Variants in DNAH14 observed in about 807,000 individuals in gnomAD.
The protein encoded by DNAH14 is axonemal beta dynein heavy chain 14.
DNAH14 carries 478 observed loss-of-function variants against 520.9 expected under a neutral mutation model. The ratio of observed to expected loss-of-function variants is 0.92; its 90% CI spans 0.85 to 0.99. DNAH14 has a LOEUF of 0.99. Ranked by LOEUF, DNAH14 falls within the 50% of genes least tolerant of loss-of-function variation. The probability of loss-of-function intolerance (pLI) is 0.00; values close to 1 mark genes in which losing one functional copy is unlikely to be tolerated. For synonymous variants in DNAH14, 1,581 were observed against 1,757.2 expected, an observed-to-expected ratio of 0.90 and a Z score of 2.51; for missense variants, 4,831 against 5,234.5, an observed-to-expected ratio of 0.92 and a Z score of 2.38.
At chr1:225,197,255 A>T (rs1403385085) in intron 38 of DNAH14, among the ~76,000 whole-genome samples, 1 of 152,090 alleles carries the variant, frequency 6.6e-6, no homozygotes, top group Non-Finnish European at 1.5e-5. Flanking sequence ...ATTCTCCTAT[A>T]TGTGGCTTGC....
intron 34 of DNAH14, among the ~76,000 whole-genome samples, chr1:225,155,716 A>G (rs36053633): frequency 0.13 from 19,404 of 152,080 alleles, 1,392 homozygotes; most frequent in East Asian, 0.31. Flanking sequence ...TTCCATTTCC[A>G]GTATACAGGA....
intron 8 of DNAH14, among the ~76,000 whole-genome samples, chr1:224,989,455 T>C (rs1472907173): frequency 6.8e-6 from 1 of 147,048 alleles, no homozygotes; most frequent in Non-Finnish European, 1.5e-5. Flanking sequence ...TTAATAGTTC[T>C]AGGAGTTTTT....
At chr1:225,114,514 T>TGTCCCCCCA (rs2076718183) in intron 23 of DNAH14, among the ~76,000 whole-genome samples, 1 of 152,184 alleles carries the variant, frequency 6.6e-6, no homozygotes, top group Non-Finnish European at 1.5e-5. Flanking sequence ...ATAGATCATG[T>TGTCCCCCCA]GTCCCCCCAG....
At chr1:225,027,741 C>T (rs932818259) in intron 11 of DNAH14, among the ~76,000 whole-genome samples, 1 of 152,016 alleles carries the variant, frequency 6.6e-6, no homozygotes, top group Non-Finnish European at 1.5e-5. Flanking sequence ...TCCACCAGAC[C>T]CCTCCTTCAA....
At chr1:225,042,644 A>AAT (rs2067586959) in intron 12 of DNAH14, among the ~76,000 whole-genome samples, 191 bp from the exon 13 acceptor site, 2 of 152,204 alleles carry the variant, frequency 1.3e-5, no homozygotes, top group Non-Finnish European at 2.9e-5. Flanking sequence ...GAACTCCTTC[A>AAT]TTACAATGTC....
At chr1:225,333,630 T>C in intron 66 of DNAH14, 124 bp downstream of exon 66, 1 of 912,944 alleles carries the variant, frequency 1.1e-6, no homozygotes, top group East Asian at 2.7e-5. Context: ...AATATTTTGT[T>C]AATAGTTTGT....
Position 225,117,695 on chromosome 1 carries a change from A to T in DNAH14, c.3879A>T (p.Glu1293Asp), listed in dbSNP as rs531116785. The T allele has an allele frequency of 1.9e-5, 30 of 1,543,380 alleles. 1 individual carries two copies. In the East Asian group the frequency reaches 3.4e-4, roughly 18 times the overall value. The change falls in exon 24 of 86, where the codon GAA becomes GAT. Residue 1293 changes from glutamate (E) to aspartate (D), a missense_variant. Glu to Asp is a conservative substitution (Grantham distance 45). Coordinates refer to ENST00000682510, the MANE Select transcript of DNAH14 (RefSeq NM_001367479.1). ...TTGATTCTGGACAGGATTACCTTGA[A>T]GTTAAAAGATTAATTTTCCCAAGAT... ...HIKKSLEDYL[E>D]VKRLIFPRFY...
chr1:225,097,060 C>G (rs2075044932), intron 21 of DNAH14, 58 bp from the exon 22 acceptor site: 3 of 1,398,036 alleles, frequency 2.1e-6, no homozygotes, highest in South Asian at 3.1e-5. Context: ...TTATGTAACT[C>G]TTAAAGAATA....
At chr1:225,175,197 T>C (rs2083178143) in intron 36 of DNAH14, among the ~76,000 whole-genome samples, 1 of 152,146 alleles carries the variant, frequency 6.6e-6, no homozygotes, top group South Asian at 2.1e-4. Context: ...ATAGAACACA[T>C]TGGGAATCAT....
chr1:225,384,997 G>A (rs919342560), intron 81 of DNAH14, among the ~76,000 whole-genome samples: 8 of 152,102 alleles, frequency 5.3e-5, no homozygotes, highest in Non-Finnish European at 8.8e-5. Flanking sequence ...CTGGCAAACC[G>A]AATCCAGTAG....
chr1:225,354,356 A>G, intron 73 of DNAH14: 1 of 661,646 alleles, frequency 1.5e-6, no homozygotes, highest in Non-Finnish European at 2.8e-6. Context: ...CATGACCTTT[A>G]TTATTAATAA....
At chr1:225,102,214 A>G (rs1405825898) in intron 23 of DNAH14, among the ~76,000 whole-genome samples, 2 of 152,030 alleles carry the variant, frequency 1.3e-5, no homozygotes, top group African/African-American at 2.4e-5. Context: ...TACAAAGGAC[A>G]TGAACTCATC....
intron 8 of DNAH14, among the ~76,000 whole-genome samples, chr1:224,977,017 T>C (rs1190855172): frequency 6.6e-6 from 1 of 151,208 alleles, no homozygotes; most frequent in Non-Finnish European, 1.5e-5. Context: ...TAAATCATGC[T>C]GCTATAAAGA....
chr1:225,398,379 A>G, intron 84 of DNAH14, 141 bp from the exon 85 acceptor site: 1 of 1,009,710 alleles, frequency 9.9e-7, no homozygotes, highest in Non-Finnish European at 1.4e-6. Context: ...GAAAAAAAAT[A>G]AGTATTCACC....
chr1:225,374,270 AT>A (rs1230876677), intron 77 of DNAH14, among the ~76,000 whole-genome samples: 19 of 63,408 alleles, frequency 3.0e-4, no homozygotes, highest in African/African-American at 7.9e-4. Flanking sequence ...ATATATATAT[AT>A]TTTTTTTTGA....
intron 49 of DNAH14, among the ~76,000 whole-genome samples, chr1:225,268,462 T>C (rs1407342136): frequency 6.6e-6 from 1 of 152,202 alleles, no homozygotes; most frequent in Non-Finnish European, 1.5e-5. Flanking sequence ...CAACATAGTT[T>C]TGGAAGTTCT....
At chr1:225,016,944 T>C (rs994168237) in intron 10 of DNAH14, among the ~76,000 whole-genome samples, 5 of 152,098 alleles carry the variant, frequency 3.3e-5, no homozygotes, top group Non-Finnish European at 7.4e-5. Flanking sequence ...AGTTTATGAA[T>C]TGTTTTCCTG....
rs772057378 is a variant in DNAH14 at position 225,380,232 on chromosome 1, G to A, written c.12790G>A (p.Glu4264Lys). ...DLLKRLPLTVEKEEIAVGTPS... is the reference protein window; with the variant it reads ...DLLKRLPLTVKKEEIAVGTPS... Reference sequence around the variant, plus strand: ...GCTAAAGCGGCTGCCACTGACAGTGGAGAAAGAAGAAATTGCTGTTGGAAC... The same window carrying A: ...GCTAAAGCGGCTGCCACTGACAGTGAAGAAAGAAGAAATTGCTGTTGGAAC... Residue 4264 changes from glutamate to lysine, a missense_variant, in exon 80 of 86, where the codon GAG becomes AAG. Coordinates refer to ENST00000682510, the MANE Select transcript of DNAH14 (RefSeq NM_001367479.1). 1.9e-6 allele frequency: 3 copies of A among 1,551,554 alleles called. No homozygotes were observed. In the African/African-American group the frequency reaches 4.1e-5, roughly 21 times the overall value.
chr1:225,032,483 G>T (rs1011450511), intron 11 of DNAH14, among the ~76,000 whole-genome samples: 1 of 152,056 alleles, frequency 6.6e-6, no homozygotes, highest in Admixed American at 6.6e-5. Context: ...GTCTGTCATT[G>T]ATGGGCATAT....
Sources: gnomAD v4.1 joint callset for allele counts (sites outside exome capture counted in the v4.1 genomes callset) on GRCh38, gnomAD v4.1.1 for gene constraint, MANE v1.5 for transcripts, NCBI Gene and HGNC (gene_info 2026-07-23, HGNC 2026-07-21) for gene names.